THSD7A: variants seen among roughly 807,000 people sequenced by gnomAD.
The protein encoded by THSD7A is thrombospondin type-1 domain-containing protein 7A.
A neutral mutation model predicts 231.3 loss-of-function variants in THSD7A; 96 were observed. The observed-to-expected ratio is 0.41, with a 90% CI of 0.35 to 0.49. The LOEUF is 0.49. Among genes scored for constraint, THSD7A ranks in the 20% least tolerant of loss-of-function variants. The pLI is 0.05. For synonymous variants in THSD7A, 940 were observed against 743.3 expected (o/e 1.26, Z -4.30); for missense variants, 2,290 against 2,070.2 (o/e 1.11, Z -2.06).
In THSD7A at chr7:11,590,695, C is replaced by T; in HGVS notation, c.1272-54G>A. 6.5e-7 allele frequency: 1 copy of T among 1,530,726 alleles called. No homozygotes were observed. Among genetic ancestry groups the T allele is most frequent in the Non-Finnish European group, 8.8e-7 (1 of 1,137,580 alleles). 94.8% of individuals were successfully genotyped at this position (1,530,726 alleles called of 1,614,324 possible). ...ACCATAATTATTGAATGACGTGTTT[C>T]TCTACTCCTGTCATACTTTGTTTTA... On this transcript the variant is annotated intron_variant, in intron 3 of 27. Transcript: ENST00000423059. The surrounding 1 kb of genome is among the most constrained non-coding windows in gnomAD (Gnocchi z 4.4).
chr7:11,825,611 T>C (rs370647531), intron 1 of THSD7A, among the ~76,000 whole-genome samples: 18 of 152,182 alleles, frequency 1.2e-4, no homozygotes, highest in African/African-American at 4.3e-4. Context: ...TACTGAACTT[T>C]TAATATGTGT....
chr7:11,782,237 G>C (rs919041204), intron 1 of THSD7A, among the ~76,000 whole-genome samples: 2 of 152,034 alleles, frequency 1.3e-5, no homozygotes, highest in Admixed American at 6.5e-5. Context: ...CCTTCAGTTT[G>C]GATTTTCTGA....
At chr7:11,754,604 C>T (rs2128165934) in intron 1 of THSD7A, among the ~76,000 whole-genome samples, 1 of 152,116 alleles carries the variant, frequency 6.6e-6, no homozygotes, top group Admixed American at 6.6e-5. Flanking sequence ...TTAGGTCATG[C>T]AATTATTCCT....
intron 6 of THSD7A, among the ~76,000 whole-genome samples, chr7:11,505,408 C>T (rs1358817530): frequency 6.6e-6 from 1 of 151,422 alleles, no homozygotes; most frequent in Non-Finnish European, 1.5e-5. Context: ...CCCTCAGCTA[C>T]ACCTTAGGTT....
At chr7:11,658,741 G>A (rs897801609) in intron 1 of THSD7A, among the ~76,000 whole-genome samples, 1 of 151,620 alleles carries the variant, frequency 6.6e-6, no homozygotes, top group Non-Finnish European at 1.5e-5. Context: ...TCGATTTCTT[G>A]CGGTTTTCAT....
At chr7:11,784,450 C>A (rs1023166184) in intron 1 of THSD7A, among the ~76,000 whole-genome samples, 1 of 151,592 alleles carries the variant, frequency 6.6e-6, no homozygotes, top group Non-Finnish European at 1.5e-5. Flanking sequence ...CTCAATGTCT[C>A]TTCTTTCATA....
intron 6 of THSD7A, among the ~76,000 whole-genome samples, chr7:11,511,795 A>G (rs963228610): frequency 6.6e-6 from 1 of 152,262 alleles, no homozygotes; most frequent in African/African-American, 2.4e-5. Context: ...AAGATGGATT[A>G]AAAACTTAAA....
At chr7:11,500,319 T>C (rs1001019836) in intron 6 of THSD7A, among the ~76,000 whole-genome samples, 2 of 152,178 alleles carry the variant, frequency 1.3e-5, no homozygotes, top group African/African-American at 4.8e-5. Flanking sequence ...AAAGGAGCAC[T>C]AAATATAGAC....
chr7:11,550,451 T>G (rs1397106313), intron 4 of THSD7A, among the ~76,000 whole-genome samples: 1 of 152,152 alleles, frequency 6.6e-6, no homozygotes, highest in Non-Finnish European at 1.5e-5. Flanking sequence ...GGGAGGGACC[T>G]GGCAGGAGGC....
intron 1 of THSD7A, among the ~76,000 whole-genome samples, chr7:11,660,457 T>C (rs1782887028): frequency 1.3e-5 from 2 of 151,504 alleles, no homozygotes; most frequent in Non-Finnish European, 3.0e-5. Context: ...GATTTTATGT[T>C]ATGCCATATT....
intron 6 of THSD7A, among the ~76,000 whole-genome samples, chr7:11,485,583 GGTTAA>G (rs113679027): frequency 0.08 from 12,185 of 152,174 alleles, 511 homozygotes; most frequent in Middle Eastern, 0.13. Context: ...GACTCAAAAA[GGTTAA>G]GTTATCTTTC....
chr7:11,816,135 A>G (rs765958867), intron 1 of THSD7A, among the ~76,000 whole-genome samples: 1 of 152,124 alleles, frequency 6.6e-6, no homozygotes, highest in Non-Finnish European at 1.5e-5. Flanking sequence ...ACTAGCCTCA[A>G]ATAGTTTATT....
In THSD7A at chr7:11,377,953, A is replaced by T. The variant is rs1782344582; in HGVS notation, c.4801+1117T>A. On this transcript the variant is annotated intron_variant, in intron 26 of 27. Transcript: ENST00000423059. The surrounding 1 kb of genome is among the most constrained non-coding windows in gnomAD (Gnocchi z 4.5). ...ATTGCTACTGGTTGTCTGCTAGTCC[A>T]TTGTCTTAAACACTGAGGGAAGAGT... 1 of 152,036 alleles carries T rather than the reference A, an allele frequency of 6.6e-6. No individual in the cohort carries two copies. Among genetic ancestry groups the T allele is most frequent in the Non-Finnish European group, 1.5e-5 (1 of 67,992 alleles). The allele number at this position is 152,036 out of a possible 1,614,324, so 9.4% of individuals were successfully genotyped here.
intron 1 of THSD7A, chr7:11,821,384 C>T: frequency 2.2e-6 from 1 of 452,726 alleles, no homozygotes; most frequent in Non-Finnish European, 4.1e-6. Context: ...TCTCCCTTGC[C>T]CTGATTTTAA....
intron 8 of THSD7A, among the ~76,000 whole-genome samples, chr7:11,470,796 A>C (rs956553044): frequency 6.6e-6 from 1 of 151,868 alleles, no homozygotes; most frequent in African/African-American, 2.4e-5. Context: ...ATTAACTACT[A>C]TTTTCAAAAT....
At chr7:11,466,339 T>C (rs1465459225) in intron 9 of THSD7A, among the ~76,000 whole-genome samples, 2 of 152,162 alleles carry the variant, frequency 1.3e-5, no homozygotes, top group Non-Finnish European at 2.9e-5. Context: ...TTGGGTTATT[T>C]CCATTTCTTA....
At chr7:11,730,817 T>C (rs964009980) in intron 1 of THSD7A, among the ~76,000 whole-genome samples, 6 of 151,604 alleles carry the variant, frequency 4.0e-5, no homozygotes, top group African/African-American at 4.8e-5. Context: ...ATTCACTTAA[T>C]CCACTGATTG....
intron 2 of THSD7A, among the ~76,000 whole-genome samples, chr7:11,624,477 C>T (rs975813986): frequency 6.6e-6 from 1 of 152,044 alleles, no homozygotes; most frequent in Non-Finnish European, 1.5e-5. Context: ...CCTGCTCATT[C>T]GACTTCTCAG....
intron 2 of THSD7A, among the ~76,000 whole-genome samples, chr7:11,609,619 G>A (rs184041910): frequency 5.3e-5 from 8 of 152,160 alleles, no homozygotes; most frequent in Non-Finnish European, 2.9e-5. Context: ...AATGAGATAC[G>A]GAAGAACTGA....
Sources: allele counts gnomAD v4.1 joint callset (sites outside exome capture counted in the v4.1 genomes callset), GRCh38; gene constraint gnomAD v4.1.1; non-coding constraint Gnocchi (gnomAD v3.1); transcripts MANE v1.5; gene names NCBI Gene and HGNC (gene_info 2026-07-23, HGNC 2026-07-21).